The following HECW1 variants were observed in gnomAD, a reference collection of about 807,000 sequenced individuals.
HECW1 encodes the protein HECT, C2 and WW domain containing E3 ubiquitin protein ligase 1.
In HECW1, 61 loss-of-function variants were observed where a neutral mutation model predicts 182.3. The observed-to-expected ratio is 0.33, with a 90% CI of 0.27 to 0.41. The LOEUF (loss-of-function observed/expected upper bound fraction) is 0.41. Ranked by LOEUF, HECW1 falls within the 10% of genes least tolerant of loss-of-function variation. The pLI is 1.00. For synonymous variants in HECW1, 859 were observed against 832.6 expected, an observed-to-expected ratio of 1.03 and a Z score of -0.55; for missense variants, 1,739 against 2,108.9, an observed-to-expected ratio of 0.82 and a Z score of 3.44.
intron 8 of HECW1, among the ~76,000 whole-genome samples, chr7:43,415,083 G>A (rs1393461169): frequency 1.3e-5 from 2 of 150,682 alleles, no homozygotes; most frequent in African/African-American, 4.9e-5. Context: ...GATGTTAGCT[G>A]GTTATTTTGC....
chr7:43,335,375 A>G (rs1355825924), intron 5 of HECW1, among the ~76,000 whole-genome samples: 2 of 152,234 alleles, frequency 1.3e-5, no homozygotes, highest in Non-Finnish European at 2.9e-5. Flanking sequence ...CCTCGCTGCT[A>G]TAGACTAATG....
intron 3 of HECW1, among the ~76,000 whole-genome samples, chr7:43,264,832 AGACT>A (rs1442207274): frequency 1.5e-5 from 2 of 132,188 alleles, no homozygotes; most frequent in Non-Finnish European, 3.2e-5. Context: ...CGACAGAGTG[AGACT>A]CGGTTTAAAA....
At chr7:43,222,172 G>A (rs1797038609) in intron 2 of HECW1, among the ~76,000 whole-genome samples, 1 of 152,142 alleles carries the variant, frequency 6.6e-6, no homozygotes. Context: ...CCAGGCTTCG[G>A]TACTTAGTAA....
In HECW1 at chr7:43,234,780, G is replaced by T. The variant is rs111312466; in HGVS notation, c.-31-9095G>T. Among the ~76,000 whole-genome samples the T allele has an allele frequency of 4.9e-3, 742 of 152,266 alleles. 10 individuals are homozygous for T. Among genetic ancestry groups the T allele is most frequent in the African/African-American group, 0.017 (692 of 41,544 alleles). On this transcript the variant is annotated intron_variant, in intron 2 of 29. Transcript: ENST00000395891. Reference sequence around the variant, plus strand: ...GCTCCACAGCCAGGGCCTGTAGGCTGTGTTGCTCACTCACGTATTGCCTGA... The same window carrying T: ...GCTCCACAGCCAGGGCCTGTAGGCTTTGTTGCTCACTCACGTATTGCCTGA...
At chr7:43,309,138 G>T (rs1417350921) in intron 3 of HECW1, among the ~76,000 whole-genome samples, 1 of 152,158 alleles carries the variant, frequency 6.6e-6, no homozygotes, top group Admixed American at 6.5e-5. Context: ...CAGGGGAATG[G>T]GATTCCTGTG....
Position 43,333,379 on chromosome 7 carries a change from G to T in HECW1, c.460+12637G>T, listed in dbSNP as rs186453837. 2.6e-5 allele frequency among the ~76,000 whole-genome samples: 4 copies of T among 152,296 alleles called. No individual in the cohort carries two copies. In the East Asian group the frequency reaches 7.7e-4, roughly 29 times the overall value. The stretch of plus-strand genomic sequence containing the variant: ...GAAAAGGCAACACAGGATTTCAATC[G>T]CTTCCTCACAGGTAAATCCAGAATC... On this transcript the variant is annotated intron_variant, in intron 5 of 29. Transcript: ENST00000395891.
At position 43,563,372 on chromosome 7, in the gene HECW1, T is replaced by C. The variant is rs999073218; in HGVS notation, c.*1446T>C. The C allele has an allele frequency of 4.9e-6, 1 of 204,562 alleles. No homozygotes were observed. The highest frequency in any genetic ancestry group is 2.3e-5 in the African/African-American group (1 of 43,660). 12.7% of individuals were successfully genotyped at this position (204,562 alleles called of 1,614,324 possible). On this transcript the variant is annotated 3_prime_UTR_variant, in exon 30 of 30. Transcript: ENST00000395891. ...TATTTTTCTAACGTTGTTATCCATGTTGCCTGAAATAGGTCATAAATGAAA... is the reference window on the plus strand; with the variant it reads ...TATTTTTCTAACGTTGTTATCCATGCTGCCTGAAATAGGTCATAAATGAAA...
chr7:43,197,507 A>T (rs1014642634), intron 2 of HECW1, among the ~76,000 whole-genome samples: 1 of 152,132 alleles, frequency 6.6e-6, no homozygotes, highest in Admixed American at 6.5e-5. Flanking sequence ...AGAGGGTGGG[A>T]CCCACCTCTT....
chr7:43,324,991 C>A (rs745623594), intron 5 of HECW1, among the ~76,000 whole-genome samples: 14 of 152,118 alleles, frequency 9.2e-5, no homozygotes, highest in Admixed American at 8.5e-4. Context: ...TTGATTTATA[C>A]AATTTTTAAT....
intron 11 of HECW1, 40 bp downstream of exon 11, chr7:43,445,610 CA>C (rs1464303266): frequency 1.3e-6 from 2 of 1,492,158 alleles, no homozygotes; most frequent in Middle Eastern, 1.8e-4. Flanking sequence ...ATAGGACCAT[CA>C]GGGGGACAAA....
At chr7:43,352,958 G>T (rs764161825) in intron 5 of HECW1, among the ~76,000 whole-genome samples, 1 of 151,976 alleles carries the variant, frequency 6.6e-6, no homozygotes, top group Non-Finnish European at 1.5e-5. Context: ...AAGGTGGGGG[G>T]GCAGGGAAGC....
At chr7:43,477,931 G>T (rs916201588) in intron 16 of HECW1, among the ~76,000 whole-genome samples, 1 of 151,978 alleles carries the variant, frequency 6.6e-6, no homozygotes, top group Non-Finnish European at 1.5e-5. Flanking sequence ...ATTTAAAGCT[G>T]ATATGACTTC....
At chr7:43,366,225 A>G (rs910777446) in intron 6 of HECW1, among the ~76,000 whole-genome samples, 5 of 152,214 alleles carry the variant, frequency 3.3e-5, no homozygotes, top group Non-Finnish European at 7.3e-5. Context: ...CTTAAAAAAA[A>G]AGGCAACTCA....
At chr7:43,500,813 A>G (rs1345835174) in intron 20 of HECW1, 31 bp downstream of exon 20, 1 of 1,572,602 alleles carries the variant, frequency 6.4e-7, no homozygotes, top group Non-Finnish European at 8.8e-7. Context: ...TCCTTCTGGA[A>G]AAGCTTCCCT....
At chr7:43,317,759 A>T (rs1009236561) in intron 4 of HECW1, among the ~76,000 whole-genome samples, 10 of 151,894 alleles carry the variant, frequency 6.6e-5, no homozygotes, top group Non-Finnish European at 1.2e-4. Flanking sequence ...CAGTCCTTTA[A>T]AATATATTGT....
chr7:43,204,379 G>A (rs1188875090), intron 2 of HECW1, among the ~76,000 whole-genome samples: 3 of 152,128 alleles, frequency 2.0e-5, no homozygotes, highest in East Asian at 1.9e-4. Context: ...TGGTGCATTC[G>A]TTTGTCCAGC....
chr7:43,353,525 T>A (rs984148110), intron 5 of HECW1, among the ~76,000 whole-genome samples: 2 of 151,870 alleles, frequency 1.3e-5, no homozygotes, highest in African/African-American at 2.4e-5. Context: ...ACCAGCAATA[T>A]CCCAGAACTC....
intron 2 of HECW1, among the ~76,000 whole-genome samples, chr7:43,198,645 ACT>A (rs1387317203): frequency 1.4e-5 from 2 of 141,448 alleles, no homozygotes; most frequent in Admixed American, 7.0e-5. Context: ...CACACCCCAC[ACT>A]CTATCTCACA....
Position 43,243,933 on chromosome 7 carries a change from G to A in HECW1, c.27+1G>A. 6.2e-7 allele frequency: 1 copy of A among 1,607,548 alleles called. No homozygotes were observed. The highest frequency in any genetic ancestry group is 8.5e-7 in the Non-Finnish European group (1 of 1,174,118). ...GCTGCTGCACCTGTGTAGTGTGAAG[G>A]TCAGTGTGCTTTTCTGATTATAAGA... is the stretch of plus-strand genomic sequence containing the variant. On this transcript the variant is annotated splice_donor_variant, in intron 3 of 29. Transcript: ENST00000395891. LOFTEE classifies it high-confidence loss of function. This position sits in a 1 kb window ranked among gnomAD's most constrained non-coding sequence, Gnocchi z 4.0.
Sources: allele counts gnomAD v4.1 joint callset (sites outside exome capture counted in the v4.1 genomes callset), GRCh38; gene constraint gnomAD v4.1.1; non-coding constraint Gnocchi (gnomAD v3.1); transcripts MANE v1.5; gene names NCBI Gene and HGNC (gene_info 2026-07-23, HGNC 2026-07-21).